The following NFASC variants were observed in gnomAD, a reference collection of about 807,000 sequenced individuals.
The protein encoded by NFASC is neurofascin.
Under a neutral mutation model 147.5 loss-of-function variants are expected in NFASC, and 43 were observed. The observed-to-expected ratio is 0.29, with a 90% confidence interval of 0.23 to 0.38. The LOEUF (loss-of-function observed/expected upper bound fraction) is 0.38, where lower values mean the gene tolerates loss of function less well. Ranked by LOEUF, NFASC falls within the 10% of genes least tolerant of loss-of-function variation. The pLI, the probability that NFASC is intolerant of heterozygous loss-of-function variation, is 1.00. For synonymous variants in NFASC, 622 were observed against 665.5 expected (o/e 0.93, Z 1.01); for missense variants, 1,320 against 1,689.0 (o/e 0.78, Z 3.83).
intron 1 of NFASC, among the ~76,000 whole-genome samples, chr1:204,865,334 C>T (rs1024587014): frequency 1.3e-5 from 2 of 152,126 alleles, no homozygotes; most frequent in Non-Finnish European, 2.9e-5. Flanking sequence ...AATGTAGTCT[C>T]TCTCTCTCAA....
At chr1:204,937,048 A>G (rs1167058590) in intron 2 of NFASC, among the ~76,000 whole-genome samples, 1 of 71,264 alleles carries the variant, frequency 1.4e-5, no homozygotes, top group Non-Finnish European at 4.8e-5. Context: ...GTGCCTTCTT[A>G]CCATTCAGGT....
chr1:204,997,524 C>T, intron 25 of NFASC, 118 bp downstream of exon 25: 1 of 1,147,908 alleles, frequency 8.7e-7, no homozygotes, highest in East Asian at 2.6e-5. Context: ...TTTGCCACCA[C>T]CTCCCTTTGT....
At chr1:204,841,101 G>C (rs546626352) in intron 1 of NFASC, among the ~76,000 whole-genome samples, 1 of 152,336 alleles carries the variant, frequency 6.6e-6, no homozygotes, top group South Asian at 2.1e-4. Flanking sequence ...ATGTGTGCCT[G>C]CATCTACAGA....
chr1:205,000,543 T>G (rs1010105361), intron 25 of NFASC: 2 of 154,090 alleles, frequency 1.3e-5, no homozygotes, highest in African/African-American at 4.8e-5. Context: ...CTGTGTGGCC[T>G]CCTCCTCCTG....
At chr1:204,934,419 T>C (rs1010763083) in intron 2 of NFASC, among the ~76,000 whole-genome samples, 14 of 152,220 alleles carry the variant, frequency 9.2e-5, no homozygotes, top group African/African-American at 2.2e-4. Flanking sequence ...TCAACTCTAA[T>C]TGGCTTGCAA....
chr1:204,829,990 T>C (rs1297341594), intron 1 of NFASC, among the ~76,000 whole-genome samples: 8 of 146,042 alleles, frequency 5.5e-5, no homozygotes, highest in African/African-American at 2.0e-4. Context: ...ACTCCTTCCT[T>C]GGCATTTTGG....
chr1:204,879,862 G>C (rs1049455910), intron 1 of NFASC, among the ~76,000 whole-genome samples: 3 of 152,202 alleles, frequency 2.0e-5, no homozygotes, highest in African/African-American at 7.2e-5. Context: ...GATAGTATGA[G>C]GTATAAAGGG....
intron 1 of NFASC, among the ~76,000 whole-genome samples, chr1:204,876,218 A>T (rs2078758284): frequency 6.6e-6 from 1 of 152,136 alleles, no homozygotes; most frequent in African/African-American, 2.4e-5. Flanking sequence ...ACAAATGTAT[A>T]TGCCCCATGT....
chr1:204,871,101 G>A lies in NFASC; in HGVS notation c.-200+42319G>A, dbSNP rs146848499. 26 of 1,289,618 alleles carry A rather than the reference G, an allele frequency of 2.0e-5. No individual in the cohort carries two copies. The East Asian group carries it at 1.2e-3, about 58-fold the overall frequency. 79.9% of individuals were successfully genotyped at this position (1,289,618 alleles called of 1,614,324 possible). ...ATGGTCAACTCTGCCCTCCCTCTTG[G>A]CCTCTCATCCTCACCCCATTCCTCC... On this transcript the variant is annotated intron_variant, in intron 1 of 29. Coordinates refer to ENST00000339876, the MANE Select transcript of NFASC (RefSeq NM_001005388.3).
intron 2 of NFASC, among the ~76,000 whole-genome samples, chr1:204,926,402 ATATATTTTTTTTTTTTTTTTTT>A (rs1203109981): frequency 2.8e-4 from 3 of 10,730 alleles, no homozygotes; most frequent in Non-Finnish European, 6.9e-4. Flanking sequence ...ATATATATAT[ATATATTTTTTTTTTTTTTTTTT>A]TTTTTTTTTG....
In NFASC at chr1:204,828,698, G is replaced by T. The variant is rs993188774; in HGVS notation, c.-284G>T. On this transcript the variant is annotated 5_prime_UTR_variant, in exon 1 of 30. Transcript: ENST00000339876. ...CTAATGCGGCGGCTGGCGGCGAGAG[G>T]CGCTGCAGGGGACGCGGGGGAAGTG... 1.1e-4 allele frequency: 111 copies of T among 985,474 alleles called. No individual in the cohort carries two copies. Among genetic ancestry groups the T allele is most frequent in the Non-Finnish European group, 1.3e-4 (105 of 830,132 alleles). The allele number at this position is 985,474 out of a possible 1,614,324, so 61.0% of individuals were successfully genotyped here.
Position 204,986,110 on chromosome 1 carries a change from AGG to A in NFASC, c.2471-1307_2471-1306del. 1 of 1,613,046 alleles carries A rather than the reference AGG, an allele frequency of 6.2e-7. No individual in the cohort carries two copies. Among genetic ancestry groups the A allele is most frequent in the Non-Finnish European group, 8.5e-7 (1 of 1,178,964 alleles). On this transcript the variant is annotated intron_variant, in intron 21 of 29. Transcript: ENST00000339876. The surrounding 1 kb of genome is among the most constrained non-coding windows in gnomAD (Gnocchi z 4.2). ...AGACCAAGGAGTTCACCACCCCGGA[AGG>A]AGGTAGGTCTGGCCTGCAGCTCTTC...
rs966706419 is a variant in NFASC, at chr1:205,019,143, C to T, written c.*2604C>T. The T allele has an allele frequency of 3.3e-5, 5 of 152,286 alleles. No individual in the cohort carries two copies. The highest frequency in any genetic ancestry group is 6.5e-5 in the Admixed American group (1 of 15,280). The allele number at this position is 152,286 out of a possible 1,614,324, so 9.4% of individuals were successfully genotyped here. A position where few individuals can be genotyped will look rare whatever the true frequency, so the allele number is the denominator to read the frequency against. On this transcript the variant is annotated 3_prime_UTR_variant, in exon 30 of 30. Coordinates refer to ENST00000339876, the MANE Select transcript of NFASC (RefSeq NM_001005388.3). Reference sequence around the variant, plus strand: ...AAGGCAGGTGGTCAGAGAGATCAAACGCTGAGGCGTGGGGATTGCAGGATT... The same window carrying T: ...AAGGCAGGTGGTCAGAGAGATCAAATGCTGAGGCGTGGGGATTGCAGGATT...
chr1:204,866,826 C>T (rs1341060386), intron 1 of NFASC, among the ~76,000 whole-genome samples: 1 of 152,192 alleles, frequency 6.6e-6, no homozygotes, highest in African/African-American at 2.4e-5. Flanking sequence ...GATGGAGATA[C>T]ATAATGTCCT....
chr1:205,007,094 G>C (rs1432963799), intron 27 of NFASC, among the ~76,000 whole-genome samples: 1 of 151,890 alleles, frequency 6.6e-6, no homozygotes, highest in Admixed American at 6.6e-5. Context: ...AGCATAGAGC[G>C]TACCAATTAA....
intron 8 of NFASC, among the ~76,000 whole-genome samples, chr1:204,958,054 T>C (rs1372955236): frequency 6.6e-6 from 1 of 152,098 alleles, no homozygotes; most frequent in African/African-American, 2.4e-5. Context: ...CTCCTCAAAT[T>C]CTGGTGGGAA....
chr1:205,002,473 G>C lies in NFASC; in HGVS notation c.3137-123G>C, dbSNP rs543900140. ...ACCTCCTGGTCTGTATGGTGGACTG[G>C]ACCCGCGGTTCCCTGGTCCCTTCCC... On this transcript the variant is annotated intron_variant, in intron 26 of 29. Coordinates refer to ENST00000339876, the MANE Select transcript of NFASC (RefSeq NM_001005388.3). The C allele has an allele frequency of 4.2e-6, 3 of 710,978 alleles. No homozygotes were observed. In the African/African-American group the frequency reaches 5.5e-5, roughly 13 times the overall value. The allele number at this position is 710,978 out of a possible 1,614,324, so 44.0% of individuals were successfully genotyped here.
chr1:204,896,891 G>A (rs944400244), intron 1 of NFASC, among the ~76,000 whole-genome samples: 2 of 152,242 alleles, frequency 1.3e-5, no homozygotes, highest in African/African-American at 2.4e-5. Context: ...TAGGCACTGC[G>A]CTAGGGGCTG....
At chr1:205,001,312 G>A (rs1218759944) in intron 26 of NFASC, 26 bp downstream of exon 26, 6 of 1,506,318 alleles carry the variant, frequency 4.0e-6, no homozygotes, top group East Asian at 2.3e-5. Context: ...CGGGGTGGTG[G>A]TGGCGGCAGC....
Sources: gnomAD v4.1 joint callset for allele counts (sites outside exome capture counted in the v4.1 genomes callset) on GRCh38, gnomAD v4.1.1 for gene constraint, Gnocchi (gnomAD v3.1) non-coding constraint, MANE v1.5 for transcripts, NCBI Gene and HGNC (gene_info 2026-07-23, HGNC 2026-07-21) for gene names.